WLS: variants seen among roughly 807,000 people sequenced by gnomAD.
WLS encodes protein wntless homolog.
Under a neutral mutation model 62.8 loss-of-function variants are expected in WLS, and 23 were observed. That is an observed-to-expected ratio of 0.37 (90% CI 0.26 to 0.52). WLS has a LOEUF of 0.52. WLS is among the 20% of genes least tolerant of loss of function. The pLI is 0.92. For synonymous variants in WLS, 246 were observed against 244.1 expected (o/e 1.01, Z -0.07); for missense variants, 615 against 697.3 (o/e 0.88, Z 1.33).
At chr1:68,104,651 TA>T (rs1646121579) in intron 11 of WLS, among the ~76,000 whole-genome samples, 1 of 152,236 alleles carries the variant, frequency 6.6e-6, no homozygotes, top group Non-Finnish European at 1.5e-5. Flanking sequence ...GGCTTGCACC[TA>T]TAATCCCAGC....
chr1:68,228,433 A>G (rs1650257236), intron 1 of WLS, among the ~76,000 whole-genome samples: 1 of 151,874 alleles, frequency 6.6e-6, no homozygotes. Context: ...TTTAGTCTGC[A>G]CTCTCTTTTC....
intron 3 of WLS, among the ~76,000 whole-genome samples, chr1:68,155,996 C>T (rs893622710): frequency 2.0e-5 from 3 of 152,134 alleles, no homozygotes; most frequent in Non-Finnish European, 4.4e-5. Context: ...GCCTCTTGGA[C>T]TTCGTGCCAA....
chr1:68,191,013 G>A (rs374562958), intron 2 of WLS, among the ~76,000 whole-genome samples: 5 of 148,918 alleles, frequency 3.4e-5, no homozygotes, highest in African/African-American at 9.9e-5. Context: ...AGCCAAGATC[G>A]TACCATTGCA....
chr1:68,137,751 T>A (rs200884626), intron 11 of WLS, 29 bp downstream of exon 11: 4 of 1,606,562 alleles, frequency 2.5e-6, no homozygotes, highest in Admixed American at 1.7e-5. Flanking sequence ...TATCCTGACT[T>A]AAGCTGTTCT....
intron 11 of WLS, among the ~76,000 whole-genome samples, chr1:68,103,230 T>A (rs1287319739): frequency 6.6e-6 from 1 of 152,146 alleles, no homozygotes; most frequent in Non-Finnish European, 1.5e-5. Context: ...GGGAAACCAG[T>A]GGGGATATGT....
At chr1:68,178,743 A>T (rs747244253) in intron 2 of WLS, among the ~76,000 whole-genome samples, 1 of 152,192 alleles carries the variant, frequency 6.6e-6, no homozygotes, top group Non-Finnish European at 1.5e-5. Flanking sequence ...AAAACTAAAC[A>T]AAAGAGGGTT....
At chr1:68,230,837 C>T (rs1448262696) in intron 1 of WLS, among the ~76,000 whole-genome samples, 3 of 152,168 alleles carry the variant, frequency 2.0e-5, no homozygotes, top group East Asian at 1.9e-4. Flanking sequence ...GTACCAAACT[C>T]CCTTTAATTT....
intron 11 of WLS, among the ~76,000 whole-genome samples, chr1:68,131,133 G>A (rs989712967): frequency 6.7e-6 from 1 of 150,164 alleles, no homozygotes; most frequent in Admixed American, 6.7e-5. Context: ...GGATGGTCTC[G>A]ATCTCCTGAC....
chr1:68,183,096 T>C (rs1356926053), intron 2 of WLS, among the ~76,000 whole-genome samples: 1 of 152,124 alleles, frequency 6.6e-6, no homozygotes, highest in Non-Finnish European at 1.5e-5. Flanking sequence ...TTCACCATAT[T>C]GGTCAGGCTG....
Position 68,125,762 on chromosome 1 carries a change from T to G in WLS, c.*464A>C, listed in dbSNP as rs1428206018. 7.1e-6 allele frequency: 7 copies of G among 986,234 alleles called. No homozygotes were observed. The highest frequency in any genetic ancestry group is 1.7e-5 in the African/African-American group (1 of 57,234). 61.1% of individuals were successfully genotyped at this position (986,234 alleles called of 1,614,324 possible). ...ATAAATAGGAAAAAAACAGTGGTCA[T>G]GGATTAGGAGTGAGAAGACTATGAC... On this transcript the variant is annotated 3_prime_UTR_variant, in exon 12 of 12. Transcript: ENST00000262348.
chr1:68,104,279 G>T (rs1646116322), intron 11 of WLS, among the ~76,000 whole-genome samples: 1 of 152,132 alleles, frequency 6.6e-6, no homozygotes, highest in Admixed American at 6.5e-5. Flanking sequence ...ATGGTTCTGA[G>T]AATCATCACT....
chr1:68,168,998 T>A (rs1647105995), intron 2 of WLS, among the ~76,000 whole-genome samples: 1 of 152,346 alleles, frequency 6.6e-6, no homozygotes, highest in East Asian at 1.9e-4. Flanking sequence ...GTGTGAGTGG[T>A]TATAAAAATG....
At chr1:68,107,095 C>T (rs1351607756) in intron 11 of WLS, among the ~76,000 whole-genome samples, 4 of 152,136 alleles carry the variant, frequency 2.6e-5, no homozygotes, top group South Asian at 2.1e-4. Context: ...ATGTTGGTAT[C>T]GATTAATGTG....
At chr1:68,224,685 C>A (rs1650066511) in intron 1 of WLS, among the ~76,000 whole-genome samples, 1 of 152,022 alleles carries the variant, frequency 6.6e-6, no homozygotes, top group African/African-American at 2.4e-5. Flanking sequence ...AGTTGGGGAT[C>A]CCTTGTTAAG....
chr1:68,164,096 C>A (rs1414387635), intron 2 of WLS, among the ~76,000 whole-genome samples: 1 of 152,168 alleles, frequency 6.6e-6, no homozygotes, highest in Non-Finnish European at 1.5e-5. Context: ...ACCCACTATT[C>A]TATTATTCCT....
At chr1:68,127,494 ACT>A (rs1238622774) in intron 11 of WLS, among the ~76,000 whole-genome samples, 1 of 152,084 alleles carries the variant, frequency 6.6e-6, no homozygotes, top group East Asian at 1.9e-4. Context: ...AACCTCGAAA[ACT>A]CTGCTACCTG....
chr1:68,135,127 CTTTCT>C (rs55693104), intron 11 of WLS, among the ~76,000 whole-genome samples: 124,358 of 150,230 alleles, frequency 0.83, 52,776 homozygotes, highest in East Asian at 0.94. Flanking sequence ...CAACCATGGA[CTTTCT>C]TTTCTTTTCT....
chr1:68,105,682 A>G (rs556895093), intron 11 of WLS, among the ~76,000 whole-genome samples: 2 of 152,316 alleles, frequency 1.3e-5, no homozygotes, highest in East Asian at 3.8e-4. Flanking sequence ...GGAAACACAC[A>G]AAAGATGTAT....
At chr1:68,222,983 C>A (rs1043150680) in intron 1 of WLS, among the ~76,000 whole-genome samples, 1 of 152,084 alleles carries the variant, frequency 6.6e-6, no homozygotes, top group South Asian at 2.1e-4. Context: ...ATCCCAGAGA[C>A]CCCTGAATCC....
Sources: allele counts gnomAD v4.1 joint callset (sites outside exome capture counted in the v4.1 genomes callset), GRCh38; gene constraint gnomAD v4.1.1; transcripts MANE v1.5; gene names NCBI Gene and HGNC (gene_info 2026-07-23, HGNC 2026-07-21).